LRRC20: variants seen among roughly 807,000 people sequenced by gnomAD.
LRRC20 encodes the protein leucine rich repeat containing 20, also known as leucine-rich repeat-containing protein 20.
A neutral mutation model predicts 14.4 loss-of-function variants in LRRC20; 11 were observed. The ratio of observed to expected loss-of-function variants is 0.77; its 90% CI spans 0.48 to 1.27. The LOEUF is 1.27. LRRC20 is among the 50% of genes most tolerant of loss of function. LRRC20 has a pLI of 0.00. For synonymous variants in LRRC20, 121 were observed against 107.3 expected (o/e 1.13, Z -0.79); for missense variants, 219 against 251.2 (o/e 0.87, Z 0.87).
intron 4 of LRRC20, among the ~76,000 whole-genome samples, chr10:70,310,924 A>T (rs1161949444): frequency 3.9e-5 from 6 of 152,238 alleles, no homozygotes; most frequent in Non-Finnish European, 4.4e-5. Flanking sequence ...TTGATGAACA[A>T]AAGTAAAATC....
chr10:70,372,117 TC>T (rs5785974), intron 2 of LRRC20, among the ~76,000 whole-genome samples: 23,063 of 149,058 alleles, frequency 0.15, 2,022 homozygotes, highest in African/African-American at 0.24. Context: ...AGCCTATGTC[TC>T]CTCCCAGGGG....
intron 2 of LRRC20, among the ~76,000 whole-genome samples, chr10:70,372,161 C>G (rs555651272): frequency 6.6e-6 from 1 of 152,338 alleles, no homozygotes; most frequent in Non-Finnish European, 1.5e-5. Flanking sequence ...CCCCTGAACT[C>G]TCATCTGTTG....
chr10:70,301,704 A>G (rs1841192688), intron 4 of LRRC20, among the ~76,000 whole-genome samples, 196 bp from the exon 5 acceptor site: 1 of 152,220 alleles, frequency 6.6e-6, no homozygotes, highest in South Asian at 2.1e-4. Context: ...AACCACATGG[A>G]GGAAAGCATC....
chr10:70,342,321 A>G (rs1842946731), intron 2 of LRRC20, among the ~76,000 whole-genome samples: 1 of 151,956 alleles, frequency 6.6e-6, no homozygotes, highest in African/African-American at 2.4e-5. Flanking sequence ...AAAAAAAAAA[A>G]GTTCTAAGAT....
At chr10:70,382,516 G>C (rs1229739627) in intron 1 of LRRC20, 33 bp downstream of exon 1, 1 of 152,292 alleles carries the variant, frequency 6.6e-6, no homozygotes, top group Non-Finnish European at 1.5e-5. Flanking sequence ...GAAGCGTGTG[G>C]TCCCGCTCCG....
At chr10:70,309,290 G>C (rs1466386131) in intron 4 of LRRC20, among the ~76,000 whole-genome samples, 1 of 152,218 alleles carries the variant, frequency 6.6e-6, no homozygotes, top group African/African-American at 2.4e-5. Context: ...CTGCTTCTGG[G>C]AACTGATGTT....
chr10:70,342,182 T>C (rs1322732773), intron 2 of LRRC20, among the ~76,000 whole-genome samples: 2 of 151,872 alleles, frequency 1.3e-5, no homozygotes, highest in African/African-American at 4.8e-5. Flanking sequence ...TGGTGGCACA[T>C]GCCTGCAATC....
At chr10:70,308,405 G>A (rs764332239) in intron 4 of LRRC20, among the ~76,000 whole-genome samples, 16 of 151,926 alleles carry the variant, frequency 1.1e-4, no homozygotes, top group African/African-American at 2.4e-4. Flanking sequence ...CCCGGGCCCC[G>A]TAAACTGGCA....
chr10:70,328,542 C>T (rs895480762), intron 3 of LRRC20, among the ~76,000 whole-genome samples: 6 of 152,174 alleles, frequency 3.9e-5, no homozygotes, highest in African/African-American at 1.4e-4. Context: ...GGTGATACAC[C>T]CGCCTCGGCC....
chr10:70,372,822 GCCGGGTGTGGTGGCT>G, intron 2 of LRRC20, among the ~76,000 whole-genome samples: 1 of 151,976 alleles, frequency 6.6e-6, no homozygotes, highest in Non-Finnish European at 1.5e-5. Context: ...CATTATATAG[GCCGGGTGTGGTGGCT>G]CATGCCTATA....
In LRRC20 at chr10:70,299,490, G is replaced by A. The variant is rs774878748; in HGVS notation, c.*1864C>T. On this transcript the variant is annotated 3_prime_UTR_variant, in exon 5 of 5. Coordinates refer to ENST00000446961, the MANE Select transcript of LRRC20 (RefSeq NM_001278212.2). ...CTTGCTAAAATGCAGGGTCTGAGTC[G>A]GGAGGTATAGGGTGAGGCCTAGACT... is the stretch of plus-strand genomic sequence containing the variant. 7 of 152,204 alleles carry A rather than the reference G, an allele frequency of 4.6e-5. No homozygotes were observed. Among genetic ancestry groups the A allele is most frequent in the African/African-American group, 9.7e-5 (4 of 41,448 alleles). 9.4% of individuals were successfully genotyped at this position (152,204 alleles called of 1,614,324 possible). A position where few individuals can be genotyped will look rare whatever the true frequency, so the allele number is the denominator to read the frequency against.
In LRRC20 at chr10:70,304,472, A is replaced by T. The variant is rs1216152382; in HGVS notation, c.401-2964T>A. ...TATATAGATATCAGGCCACTTCTTT[A>T]TATATATATATATATATATATATAT... On this transcript the variant is annotated intron_variant, in intron 4 of 4. Coordinates refer to ENST00000446961, the MANE Select transcript of LRRC20 (RefSeq NM_001278212.2). Among the ~76,000 whole-genome samples, 10 of 10,462 alleles carry T rather than the reference A, an allele frequency of 9.6e-4. No individual in the cohort carries two copies. In the South Asian group the frequency reaches 0.049, roughly 51 times the overall value. 6.9% of individuals were successfully genotyped at this position (10,462 alleles called of 152,430 possible). A position where few individuals can be genotyped will look rare whatever the true frequency, so the allele number is the denominator to read the frequency against.
intron 3 of LRRC20, among the ~76,000 whole-genome samples, chr10:70,329,755 GGGTTTCCCCATGTTGCCCA>G: frequency 6.6e-6 from 1 of 151,976 alleles, no homozygotes; most frequent in African/African-American, 2.4e-5. Flanking sequence ...ACTAGAGACG[GGGTTTCCCCATGTTGCCCA>G]GGCTGGTCTC....
intron 4 of LRRC20, among the ~76,000 whole-genome samples, chr10:70,307,152 G>C (rs2136874531): frequency 6.6e-6 from 1 of 152,338 alleles, no homozygotes; most frequent in South Asian, 2.1e-4. Flanking sequence ...GTGCCCAATA[G>C]TAAGTGTGAC....
At position 70,376,605 on chromosome 10, in the gene LRRC20, G is replaced by T; in HGVS notation, c.-63-9C>A. ...CACAAAAGGGCCTGAGCCTGGGGAA[G>T]ACGCAGTGCCATGAAGTGCCCGCCT... On this transcript the variant is annotated splice_polypyrimidine_tract_variant and intron_variant, in intron 1 of 4. Transcript: ENST00000446961. The T allele has an allele frequency of 6.8e-7, 1 of 1,469,842 alleles. No homozygotes were observed. The highest frequency in any genetic ancestry group is 9.4e-7 in the Non-Finnish European group (1 of 1,059,668). The allele number at this position is 1,469,842 out of a possible 1,614,324, so 91.0% of individuals were successfully genotyped here.
At chr10:70,380,045 C>T (rs559541869) in intron 1 of LRRC20, among the ~76,000 whole-genome samples, 227 of 152,284 alleles carry the variant, frequency 1.5e-3, no homozygotes, top group Non-Finnish European at 2.9e-3. Context: ...GCTGTGCAGC[C>T]GGGTTCCTCA....
At chr10:70,308,010 C>T (rs368502710) in intron 4 of LRRC20, among the ~76,000 whole-genome samples, 20 of 152,324 alleles carry the variant, frequency 1.3e-4, no homozygotes, top group African/African-American at 4.6e-4. Flanking sequence ...CCAGCAGAGT[C>T]TCAGCCTGAG....
At chr10:70,311,713 C>T (rs557440859) in intron 4 of LRRC20, among the ~76,000 whole-genome samples, 28 of 152,236 alleles carry the variant, frequency 1.8e-4, no homozygotes, top group African/African-American at 6.3e-4. Context: ...TGCAAGGCCT[C>T]ATGTCTTAGG....
chr10:70,300,217 C>T lies in LRRC20; in HGVS notation c.*1137G>A, dbSNP rs375731025. The T allele has an allele frequency of 5.5e-5, 17 of 311,616 alleles. No individual in the cohort carries two copies. Among genetic ancestry groups the T allele is most frequent in the African/African-American group, 2.7e-4 (12 of 44,334 alleles). The allele number at this position is 311,616 out of a possible 1,614,324, so 19.3% of individuals were successfully genotyped here. A position where few individuals can be genotyped will look rare whatever the true frequency, so the allele number is the denominator to read the frequency against. On this transcript the variant is annotated 3_prime_UTR_variant, in exon 5 of 5. Coordinates refer to ENST00000446961, the MANE Select transcript of LRRC20 (RefSeq NM_001278212.2). ...AGGTTCTTCAAGCCACAGGCGTTCTCGGGAAGCAAGAGCCCCAGGCCCTCT... is the reference window on the plus strand; with the variant it reads ...AGGTTCTTCAAGCCACAGGCGTTCTTGGGAAGCAAGAGCCCCAGGCCCTCT...
Sources: allele counts gnomAD v4.1 joint callset (sites outside exome capture counted in the v4.1 genomes callset), GRCh38; gene constraint gnomAD v4.1.1; transcripts MANE v1.5; gene names NCBI Gene and HGNC (gene_info 2026-07-23, HGNC 2026-07-21).